ME3: variants seen among roughly 807,000 people sequenced by gnomAD.
ME3 encodes the protein malic enzyme 3.
Under a neutral mutation model 68.9 loss-of-function variants are expected in ME3, and 48 were observed. The ratio of observed to expected loss-of-function variants is 0.70; its 90% CI spans 0.55 to 0.89. The LOEUF is 0.89. Ranked by LOEUF, ME3 falls within the 40% of genes least tolerant of loss-of-function variation. The pLI is 0.00. For synonymous variants in ME3, 320 were observed against 318.8 expected, an observed-to-expected ratio of 1.00 and a Z score of -0.04; for missense variants, 675 against 797.4, an observed-to-expected ratio of 0.85 and a Z score of 1.85.
At position 86,487,328 on chromosome 11, in the gene ME3, T is replaced by C; in HGVS notation, c.809+9A>G. The C allele has an allele frequency of 6.2e-7, 1 of 1,610,516 alleles. No homozygotes were observed. Among genetic ancestry groups the C allele is most frequent in the Non-Finnish European group, 8.5e-7 (1 of 1,176,744 alleles). On this transcript the variant is annotated intron_variant, in intron 7 of 14. Transcript: ENST00000543262. The stretch of plus-strand genomic sequence containing the variant: ...TCCTCTTTCAAAAGGGACAGACTGG[T>C]CCACTTACTTGTCTGTCACAGCCTG...
chr11:86,594,966 G>A (rs1262065354), intron 2 of ME3, among the ~76,000 whole-genome samples: 2 of 145,366 alleles, frequency 1.4e-5, no homozygotes, highest in African/African-American at 5.1e-5. Flanking sequence ...GATGAGCTAG[G>A]ACAAGCCAGG....
intron 2 of ME3, among the ~76,000 whole-genome samples, chr11:86,628,927 A>G (rs539879654): frequency 6.6e-6 from 1 of 152,194 alleles, no homozygotes; most frequent in Non-Finnish European, 1.5e-5. Flanking sequence ...GGAAAAATCA[A>G]AGATAAAGAA....
At chr11:86,566,947 A>G (rs1469107362) in intron 2 of ME3, among the ~76,000 whole-genome samples, 1 of 151,958 alleles carries the variant, frequency 6.6e-6, no homozygotes, top group Non-Finnish European at 1.5e-5. Context: ...GCCAGGCGCG[A>G]TGGCTCATAC....
intron 11 of ME3, among the ~76,000 whole-genome samples, chr11:86,447,855 C>CAAAAAAAAA (rs35352939): frequency 8.3e-6 from 1 of 120,790 alleles, no homozygotes. Context: ...TAAACTCTGT[C>CAAAAAAAAA]AAAAAAAAAA....
At position 86,462,678 on chromosome 11, in the gene ME3, C is replaced by A. The variant is rs537405266; in HGVS notation, c.919+2413G>T. 123 of 1,037,906 alleles carry A rather than the reference C, an allele frequency of 1.2e-4. 2 individuals are homozygous for A. In the South Asian group the frequency reaches 1.5e-3, roughly 13 times the overall value. The allele number at this position is 1,037,906 out of a possible 1,614,324, so 64.3% of individuals were successfully genotyped here. A position where few individuals can be genotyped will look rare whatever the true frequency, so the allele number is the denominator to read the frequency against. On this transcript the variant is annotated intron_variant, in intron 8 of 14. Transcript: ENST00000543262. ...CATGTAGCAGGCGCGGTGCTGGGAG[C>A]TGGGGAACAAGAATGGATAAGGCAT... is the stretch of plus-strand genomic sequence containing the variant.
chr11:86,666,554 T>C (rs547127308), intron 2 of ME3, among the ~76,000 whole-genome samples: 1 of 152,368 alleles, frequency 6.6e-6, no homozygotes, highest in South Asian at 2.1e-4. Context: ...TTAGTAATCC[T>C]GTGAAGCTAG....
intron 5 of ME3, among the ~76,000 whole-genome samples, chr11:86,500,204 T>C (rs1952626870): frequency 6.6e-6 from 1 of 152,226 alleles, no homozygotes; most frequent in African/African-American, 2.4e-5. Context: ...AGCTTCCTTA[T>C]TATGGTTCCC....
intron 2 of ME3, among the ~76,000 whole-genome samples, chr11:86,563,277 A>C (rs1957329525): frequency 6.6e-6 from 1 of 152,128 alleles, no homozygotes; most frequent in South Asian, 2.1e-4. Context: ...AATTTACATT[A>C]CATTTACATT....
intron 2 of ME3, among the ~76,000 whole-genome samples, chr11:86,591,020 G>C (rs1049308448): frequency 1.6e-4 from 24 of 152,180 alleles, no homozygotes; most frequent in African/African-American, 5.1e-4. Context: ...TTGGGCGATG[G>C]GGGGAAGGCA....
chr11:86,555,473 T>C (rs187544345), intron 4 of ME3, among the ~76,000 whole-genome samples: 7 of 152,328 alleles, frequency 4.6e-5, no homozygotes, highest in African/African-American at 1.7e-4. Flanking sequence ...AGAACTGTTA[T>C]GGAGCCCTGG....
At chr11:86,535,883 T>C (rs1169267365) in intron 4 of ME3, among the ~76,000 whole-genome samples, 1 of 152,206 alleles carries the variant, frequency 6.6e-6, no homozygotes, top group Non-Finnish European at 1.5e-5. Context: ...ATCTATCCAC[T>C]ACTCCTTCCA....
chr11:86,452,384 G>A (rs1000902352), intron 8 of ME3, among the ~76,000 whole-genome samples: 1 of 152,198 alleles, frequency 6.6e-6, no homozygotes, highest in Admixed American at 6.5e-5. Flanking sequence ...GGAGGACTAT[G>A]TCTGAAGCTT....
At chr11:86,565,520 C>A (rs894873869) in intron 2 of ME3, among the ~76,000 whole-genome samples, 1 of 152,164 alleles carries the variant, frequency 6.6e-6, no homozygotes, top group Non-Finnish European at 1.5e-5. Context: ...AATGTATATA[C>A]ATGCAATGAA....
chr11:86,628,915 A>T (rs1475731821), intron 2 of ME3, among the ~76,000 whole-genome samples: 1 of 152,196 alleles, frequency 6.6e-6, no homozygotes, highest in African/African-American at 2.4e-5. Flanking sequence ...CAAGCAAGGG[A>T]TGGAAAAATC....
intron 4 of ME3, among the ~76,000 whole-genome samples, chr11:86,530,633 A>G (rs1336698200): frequency 6.6e-6 from 1 of 152,238 alleles, no homozygotes; most frequent in Admixed American, 6.5e-5. Flanking sequence ...ACAGCATGGT[A>G]CTGGAACCAA....
chr11:86,628,969 G>A (rs1375801031), intron 2 of ME3, among the ~76,000 whole-genome samples: 1 of 152,186 alleles, frequency 6.6e-6, no homozygotes, highest in African/African-American at 2.4e-5. Flanking sequence ...TTCTCCCAAA[G>A]CATAGAACCA....
Position 86,544,117 on chromosome 11 carries a change from GAC to G in ME3, c.467+12434_467+12435del, listed in dbSNP as rs1337439864. Among the ~76,000 whole-genome samples the G allele has an allele frequency of 2.0e-5, 3 of 152,104 alleles. No homozygotes were observed. The East Asian group carries it at 5.8e-4, about 29-fold the overall frequency. On this transcript the variant is annotated intron_variant, in intron 4 of 14. Coordinates refer to ENST00000543262, the Ensembl canonical transcript of ME3. ...GTTCTTTGAAATCAATGAGAACAAA[GAC>G]ACAACGTACCAGAATCTCTGGGACA...
chr11:86,537,391 G>A (rs545812370), intron 4 of ME3, among the ~76,000 whole-genome samples: 1 of 151,958 alleles, frequency 6.6e-6, no homozygotes, highest in African/African-American at 2.4e-5. Context: ...AATAGTGGAG[G>A]GAATAACTAT....
At chr11:86,656,856 T>C (rs11234731) in intron 2 of ME3, among the ~76,000 whole-genome samples, 105,609 of 150,454 alleles carry the variant, frequency 0.7, 38,084 homozygotes, top group Non-Finnish European at 0.8. Flanking sequence ...GATAAACATA[T>C]GAAAAAAAAA....
Sources: allele counts gnomAD v4.1 joint callset (sites outside exome capture counted in the v4.1 genomes callset), GRCh38; gene constraint gnomAD v4.1.1; transcripts MANE v1.5; gene names NCBI Gene and HGNC (gene_info 2026-07-23, HGNC 2026-07-21).